SH3KBP1: variants seen among roughly 807,000 people sequenced by gnomAD.
The protein encoded by SH3KBP1 is SH3 domain-containing kinase-binding protein 1.
In SH3KBP1, 8 loss-of-function variants were observed where a neutral mutation model predicts 50.1. The ratio of observed to expected loss-of-function variants is 0.16; its 90% CI spans 0.09 to 0.29. The LOEUF (loss-of-function observed/expected upper bound fraction) is 0.29. Ranked by LOEUF, SH3KBP1 falls within the 10% of genes least tolerant of loss-of-function variation. SH3KBP1 has a pLI of 1.00. For missense variants in SH3KBP1, 377 were observed against 535.2 expected, an observed-to-expected ratio of 0.70 and a Z score of 2.92; for synonymous variants, 227 against 218.6, an observed-to-expected ratio of 1.04 and a Z score of -0.34.
intron 2 of SH3KBP1, among the ~76,000 whole-genome samples, chrX:19,829,793 C>T (rs777979592): frequency 9.1e-6 from 1 of 110,474 alleles, no homozygotes; most frequent in Non-Finnish European, 1.9e-5. Flanking sequence ...AGAGCAGCCC[C>T]GAGAGCTGCC....
intron 5 of SH3KBP1, among the ~76,000 whole-genome samples, chrX:19,686,420 CT>C (rs1166373763): frequency 9.0e-6 from 1 of 111,399 alleles, no homozygotes; most frequent in East Asian, 2.8e-4. Context: ...AGAGTGTGGA[CT>C]GTGGACGGGG....
intron 13 of SH3KBP1, among the ~76,000 whole-genome samples, chrX:19,555,622 C>T (rs183239320): frequency 1.1e-4 from 12 of 111,947 alleles, no homozygotes; most frequent in South Asian, 3.7e-4. Context: ...CTGGCAATGT[C>T]GCTACCTCCC....
chrX:19,718,735 C>T (rs2063978335), intron 3 of SH3KBP1, among the ~76,000 whole-genome samples: 1 of 111,700 alleles, frequency 9.0e-6, no homozygotes, highest in Non-Finnish European at 1.9e-5. Context: ...GACAAGGGGC[C>T]TCGGACCTCC....
chrX:19,583,071 A>G (rs2066424748), intron 12 of SH3KBP1, among the ~76,000 whole-genome samples: 1 of 108,997 alleles, frequency 9.2e-6, no homozygotes, highest in Admixed American at 9.9e-5. Context: ...TCTTCTCCCA[A>G]GTCTCAGGAA....
In SH3KBP1 at chrX:19,777,659, T is replaced by C. The variant is rs189464483; in HGVS notation, c.163-31218A>G. Among the ~76,000 whole-genome samples, 51 of 111,372 alleles carry C rather than the reference T, an allele frequency of 4.6e-4. 1 individual carries two copies. Among genetic ancestry groups the C allele is most frequent in the Admixed American group, 4.3e-3 (45 of 10,494 alleles). On this transcript the variant is annotated intron_variant, in intron 2 of 17. Transcript: ENST00000397821. ...TAGAAGTCTGGACGGGCTCCCTAGATGCAAGGGTCTCAAACACACCAGTCC... is the reference window on the plus strand; with the variant it reads ...TAGAAGTCTGGACGGGCTCCCTAGACGCAAGGGTCTCAAACACACCAGTCC...
At chrX:19,740,834 G>C in intron 3 of SH3KBP1, 1 of 289,812 alleles carries the variant, frequency 3.5e-6, no homozygotes, top group South Asian at 3.5e-5. Context: ...CCACCGCCTT[G>C]GCGCCATGAG....
chrX:19,717,664 G>T (rs926601719), intron 3 of SH3KBP1, among the ~76,000 whole-genome samples: 3 of 111,949 alleles, frequency 2.7e-5, no homozygotes, highest in Non-Finnish European at 3.8e-5. Context: ...CTGCAGTCTT[G>T]TTGGTGTGTC....
chrX:19,554,009 TATATA>T (rs1322665277), intron 13 of SH3KBP1, among the ~76,000 whole-genome samples: 35 of 65,809 alleles, frequency 5.3e-4, no homozygotes, highest in African/African-American at 2.7e-3. Context: ...TAAAATATAA[TATATA>T]ATATATATTA....
intron 2 of SH3KBP1, among the ~76,000 whole-genome samples, chrX:19,834,171 TC>T (rs2067993712): frequency 8.9e-6 from 1 of 112,405 alleles, no homozygotes; most frequent in Non-Finnish European, 1.9e-5. Context: ...CATTTTCGAC[TC>T]TGAAAGGGTA....
intron 2 of SH3KBP1, among the ~76,000 whole-genome samples, chrX:19,798,215 G>C (rs1208462245): frequency 1.8e-5 from 2 of 110,519 alleles, no homozygotes; most frequent in South Asian, 3.9e-4. Context: ...CTCCTGAGTA[G>C]CTGGGACTAC....
intron 2 of SH3KBP1, among the ~76,000 whole-genome samples, chrX:19,753,741 A>G (rs1273562047): frequency 8.9e-6 from 1 of 112,137 alleles, no homozygotes; most frequent in Non-Finnish European, 1.9e-5. Context: ...GAAAATACCC[A>G]TGCTATCAAA....
chrX:19,616,513 C>A (rs1019862813), intron 8 of SH3KBP1, among the ~76,000 whole-genome samples: 5 of 112,090 alleles, frequency 4.5e-5, no homozygotes, highest in African/African-American at 1.6e-4. Context: ...AAACTGTACT[C>A]AGAAACACCC....
At chrX:19,636,333 G>GAA (rs377183143) in intron 7 of SH3KBP1, among the ~76,000 whole-genome samples, 1 of 100,527 alleles carries the variant, frequency 9.9e-6, no homozygotes, top group Admixed American at 1.1e-4. Flanking sequence ...ACTCTTTCCA[G>GAA]AAAAAAAAAA....
At chrX:19,602,272 T>C (rs1466381731) in intron 9 of SH3KBP1, among the ~76,000 whole-genome samples, 1 of 111,413 alleles carries the variant, frequency 9.0e-6, no homozygotes, top group Non-Finnish European at 1.9e-5. Flanking sequence ...GAAGAGAAGA[T>C]ACACTCTGGC....
chrX:19,549,568 G>A (rs975225541), intron 14 of SH3KBP1, among the ~76,000 whole-genome samples: 5 of 111,551 alleles, frequency 4.5e-5, no homozygotes, highest in Non-Finnish European at 9.4e-5. Context: ...AGGTTCGGCT[G>A]CTGCCTGGCG....
At chrX:19,564,440 T>G (rs1208412674) in intron 13 of SH3KBP1, among the ~76,000 whole-genome samples, 1 of 111,421 alleles carries the variant, frequency 9.0e-6, no homozygotes, top group African/African-American at 3.3e-5. Context: ...GTAGTTGATC[T>G]TTGGCAAATA....
chrX:19,538,563 T>TTTTATTTA (rs200891455), intron 16 of SH3KBP1, among the ~76,000 whole-genome samples: 6 of 105,827 alleles, frequency 5.7e-5, no homozygotes, highest in African/African-American at 1.0e-4. Context: ...ATTTCCTTTA[T>TTTTATTTA]TTTATTTATT....
At chrX:19,572,390 T>A (rs992219286) in intron 12 of SH3KBP1, among the ~76,000 whole-genome samples, 1 of 96,766 alleles carries the variant, frequency 1.0e-5, no homozygotes, top group Admixed American at 1.1e-4. Flanking sequence ...ATATAGTACA[T>A]ACATATGTTA....
rs1278440852 is a variant in SH3KBP1, at chrX:19,561,072, T to TA, written c.1384+8030dup. Among the ~76,000 whole-genome samples, 366 of 48,027 alleles carry TA rather than the reference T, an allele frequency of 7.6e-3. 2 individuals carry two copies. Among genetic ancestry groups the TA allele is most frequent in the Admixed American group, 8.9e-3 (32 of 3,587 alleles). 41.7% of individuals were successfully genotyped at this position (48,027 alleles called of 115,157 possible). ...CTGGGCAACAGAGCAAGACCCTGTCTAAAAAAAAAAAAAAAAAAAAAAGAG... is the reference window on the plus strand; with the variant it reads ...CTGGGCAACAGAGCAAGACCCTGTCTAAAAAAAAAAAAAAAAAAAAAAAGAG... On this transcript the variant is annotated intron_variant, in intron 13 of 17. Transcript: ENST00000397821.
Sources: gnomAD v4.1 joint callset for allele counts (sites outside exome capture counted in the v4.1 genomes callset) on GRCh38, gnomAD v4.1.1 for gene constraint, MANE v1.5 for transcripts, NCBI Gene and HGNC (gene_info 2026-07-23, HGNC 2026-07-21) for gene names.